Variants in PDLIM5 observed in about 807,000 individuals in gnomAD.
The protein encoded by PDLIM5 is PDZ and LIM domain 5.
A neutral mutation model predicts 64.2 loss-of-function variants in PDLIM5; 34 were observed. The observed-to-expected ratio is 0.53, with a 90% CI of 0.40 to 0.71. PDLIM5 has a LOEUF of 0.71. Among genes scored for constraint, PDLIM5 ranks in the 30% least tolerant of loss-of-function variants. The pLI, the probability that PDLIM5 is intolerant of heterozygous loss-of-function variation, is 0.00. For synonymous variants in PDLIM5, 253 were observed against 269.1 expected (o/e 0.94, Z 0.59); for missense variants, 683 against 733.6 (o/e 0.93, Z 0.80).
rs547947772 is a variant in PDLIM5, at chr4:94,625,491, T to C, written c.1108+7300T>C. On this transcript the variant is annotated intron_variant, in intron 8 of 12. Transcript: ENST00000317968. The stretch of plus-strand genomic sequence containing the variant: ...TTTTTGAGACAGAGTCTCTCTGTGT[T>C]GCCCAGGCTGGAGTGCAGTGGCGCT... Among the ~76,000 whole-genome samples, 432 of 151,200 alleles carry C rather than the reference T, an allele frequency of 2.9e-3. 2 individuals carry two copies. The highest frequency in any genetic ancestry group is 6.9e-3 in the Middle Eastern group (2 of 290).
chr4:94,540,378 G>A (rs1731703984), intron 3 of PDLIM5, among the ~76,000 whole-genome samples: 1 of 152,102 alleles, frequency 6.6e-6, no homozygotes. Context: ...TCGGCCTCCC[G>A]AAGTGCTTGG....
At position 94,455,118 on chromosome 4, in the gene PDLIM5, T is replaced by G. The variant is rs2126070744; in HGVS notation, c.-42-129T>G. 1.4e-5 allele frequency: 7 copies of G among 503,654 alleles called. No individual in the cohort carries two copies. The South Asian group carries it at 2.8e-4, about 20-fold the overall frequency. The allele number at this position is 503,654 out of a possible 1,614,324, so 31.2% of individuals were successfully genotyped here. On this transcript the variant is annotated intron_variant, in intron 1 of 12. Transcript: ENST00000317968. ...ACAGATTGCTTTTCTTAAACTGAAA[T>G]TAATGAAGAACTTAATTAAGACTTA...
chr4:94,483,963 T>C (rs1240942957), intron 2 of PDLIM5, among the ~76,000 whole-genome samples: 2 of 152,204 alleles, frequency 1.3e-5, no homozygotes, highest in Non-Finnish European at 2.9e-5. Context: ...TTTTATTCCC[T>C]CCACTTACCT....
chr4:94,634,391 G>A (rs1170068375), intron 8 of PDLIM5, among the ~76,000 whole-genome samples: 1 of 152,132 alleles, frequency 6.6e-6, no homozygotes, highest in Non-Finnish European at 1.5e-5. Context: ...CTCTCCTGCT[G>A]ATTATGTTTA....
intron 2 of PDLIM5, among the ~76,000 whole-genome samples, chr4:94,479,165 G>A (rs1400692904): frequency 2.0e-5 from 3 of 151,068 alleles, no homozygotes; most frequent in Non-Finnish European, 4.4e-5. Context: ...CTTCCAAAGT[G>A]CTGGGATTAC....
intron 5 of PDLIM5, chr4:94,577,064 A>G: frequency 2.6e-6 from 1 of 380,156 alleles, no homozygotes; most frequent in Admixed American, 3.5e-5. Context: ...AATGATGGTC[A>G]TTTTATTGCT....
At chr4:94,465,914 G>A (rs1020079319) in intron 2 of PDLIM5, among the ~76,000 whole-genome samples, 1 of 144,630 alleles carries the variant, frequency 6.9e-6, no homozygotes, top group Admixed American at 6.7e-5. Flanking sequence ...GTGTGTTTGT[G>A]TATGTGTGTG....
At chr4:94,593,458 A>C (rs12500426) in intron 7 of PDLIM5, among the ~76,000 whole-genome samples, 81,625 of 151,820 alleles carry the variant, frequency 0.54, 22,387 homozygotes, top group African/African-American at 0.61. Flanking sequence ...GGCCTTTCCT[A>C]ACGGTTGTGT....
chr4:94,462,072 G>C (rs1313985876), intron 2 of PDLIM5, among the ~76,000 whole-genome samples: 2 of 152,102 alleles, frequency 1.3e-5, no homozygotes, highest in East Asian at 3.9e-4. Flanking sequence ...CACCATGTTG[G>C]CCAGTCTGGT....
chr4:94,499,954 C>T (rs1047116461), intron 2 of PDLIM5, among the ~76,000 whole-genome samples: 6 of 152,130 alleles, frequency 3.9e-5, no homozygotes, highest in Non-Finnish European at 8.8e-5. Context: ...CTCCCCCTGA[C>T]CCACCTGTGG....
chr4:94,598,036 T>C (rs1314765857), intron 7 of PDLIM5, among the ~76,000 whole-genome samples: 1 of 152,094 alleles, frequency 6.6e-6, no homozygotes, highest in Non-Finnish European at 1.5e-5. Context: ...AATAATGAAA[T>C]GAGGTTGATA....
chr4:94,549,232 T>A (rs1445442142), intron 3 of PDLIM5, among the ~76,000 whole-genome samples: 1 of 152,184 alleles, frequency 6.6e-6, no homozygotes, highest in Non-Finnish European at 1.5e-5. Context: ...TCTTAATATG[T>A]GAGGGGGTTC....
intron 2 of PDLIM5, among the ~76,000 whole-genome samples, chr4:94,490,001 C>T (rs1726716560): frequency 1.3e-5 from 2 of 151,676 alleles, no homozygotes; most frequent in African/African-American, 2.4e-5. Context: ...ATTTATGCAT[C>T]AGAATTTCTA....
chr4:94,457,247 A>G (rs1723459269), intron 2 of PDLIM5: 2 of 696,710 alleles, frequency 2.9e-6, no homozygotes, highest in Non-Finnish European at 3.5e-6. Context: ...TCTTTAATTT[A>G]TCATCAATTT....
At chr4:94,478,439 A>G (rs1461413561) in intron 2 of PDLIM5, among the ~76,000 whole-genome samples, 1 of 152,056 alleles carries the variant, frequency 6.6e-6, no homozygotes, top group African/African-American at 2.4e-5. Context: ...GGCACATCCA[A>G]TCCCCGCGTT....
At chr4:94,543,620 T>A (rs956470335) in intron 3 of PDLIM5, among the ~76,000 whole-genome samples, 2 of 152,172 alleles carry the variant, frequency 1.3e-5, no homozygotes, top group Non-Finnish European at 2.9e-5. Context: ...CATTCTATTC[T>A]GTGCCTCTAT....
intron 2 of PDLIM5, among the ~76,000 whole-genome samples, chr4:94,461,556 G>T (rs1401056077): frequency 6.6e-6 from 1 of 151,880 alleles, no homozygotes; most frequent in African/African-American, 2.4e-5. Flanking sequence ...ACTAAGAATG[G>T]ACAAAGCAGA....
chr4:94,541,927 G>A (rs1731840232), intron 3 of PDLIM5, among the ~76,000 whole-genome samples: 1 of 152,244 alleles, frequency 6.6e-6, no homozygotes, highest in South Asian at 2.1e-4. Context: ...GCCCTGGCCA[G>A]AGCCTGCTAT....
At position 94,665,952 on chromosome 4, in the gene PDLIM5, T is replaced by C. The variant is rs1743061735; in HGVS notation, c.*1885T>C. 5.9e-6 allele frequency: 9 copies of C among 1,523,868 alleles called. No homozygotes were observed. The highest frequency in any genetic ancestry group is 7.9e-6 in the Non-Finnish European group (9 of 1,140,990). 94.4% of individuals were successfully genotyped at this position (1,523,868 alleles called of 1,614,324 possible). ...CAGGGAAACAATTGTGGTAAAACTG[T>C]GGATCCTGTTGCTATTTGCCCAGTG... On this transcript the variant is annotated 3_prime_UTR_variant, in exon 13 of 13. Coordinates refer to ENST00000317968, the MANE Select transcript of PDLIM5 (RefSeq NM_006457.5).
Sources: gnomAD v4.1 joint callset for allele counts (sites outside exome capture counted in the v4.1 genomes callset) on GRCh38, gnomAD v4.1.1 for gene constraint, MANE v1.5 for transcripts, NCBI Gene and HGNC (gene_info 2026-07-23, HGNC 2026-07-21) for gene names.